SHISA9: variants seen among roughly 807,000 people sequenced by gnomAD.
The protein encoded by SHISA9 is shisa family member 9.
Under a neutral mutation model 38.0 loss-of-function variants are expected in SHISA9, and 13 were observed. The ratio of observed to expected loss-of-function variants is 0.34; its 90% CI spans 0.22 to 0.54. SHISA9 has a LOEUF of 0.54. Among genes scored for constraint, SHISA9 ranks in the 20% least tolerant of loss-of-function variants. The pLI is 0.91. For missense variants in SHISA9, 538 were observed against 575.8 expected, an observed-to-expected ratio of 0.93 and a Z score of 0.67; for synonymous variants, 275 against 242.0, an observed-to-expected ratio of 1.14 and a Z score of -1.27.
Position 13,019,864 on chromosome 16 carries a change from C to T in SHISA9, c.691+103049C>T, listed in dbSNP as rs1401495312. 9.5e-4 allele frequency among the ~76,000 whole-genome samples: 30 copies of T among 31,422 alleles called. 1 individual carries two copies. Among genetic ancestry groups the T allele is most frequent in the African/African-American group, 4.4e-3 (29 of 6,638 alleles). 20.6% of individuals were successfully genotyped at this position (31,422 alleles called of 152,430 possible). A position where few individuals can be genotyped will look rare whatever the true frequency, so the allele number is the denominator to read the frequency against. On this transcript the variant is annotated intron_variant, in intron 2 of 4. Transcript: ENST00000558583. ...CTTCCTTCCCTCCCTCCCTCCCTCCCTCCCTCCCTCCCTCCCTCCCTTCTT... is the reference window on the plus strand; with the variant it reads ...CTTCCTTCCCTCCCTCCCTCCCTCCTTCCCTCCCTCCCTCCCTCCCTTCTT...
intron 1 of SHISA9, among the ~76,000 whole-genome samples, chr16:12,906,222 G>T (rs2071091449): frequency 6.6e-6 from 1 of 152,218 alleles, no homozygotes; most frequent in South Asian, 2.1e-4. Flanking sequence ...GGAGCTGCAA[G>T]GGACCCTGAA....
At chr16:13,271,229 CA>C in the SHISA9 span, among the ~76,000 whole-genome samples, 3 of 152,200 alleles carry the variant, frequency 2.0e-5, no homozygotes, top group Non-Finnish European at 4.4e-5. Context: ...GGAACTGTAA[CA>C]TCAGTGTAGA....
At chr16:13,345,350 T>C in the SHISA9 span, among the ~76,000 whole-genome samples, 1 of 152,128 alleles carries the variant, frequency 6.6e-6, no homozygotes, top group Non-Finnish European at 1.5e-5. Flanking sequence ...AGTGAGAACA[T>C]GTGGTATTTG....
At chr16:13,197,293 G>A (rs780081368) in intron 2 of SHISA9, among the ~76,000 whole-genome samples, 16 of 152,218 alleles carry the variant, frequency 1.1e-4, no homozygotes, top group Non-Finnish European at 1.9e-4. Context: ...GATATGCTTT[G>A]AAGGAGTCAT....
chr16:12,919,449 A>G (rs2071300308), intron 2 of SHISA9, among the ~76,000 whole-genome samples: 1 of 152,192 alleles, frequency 6.6e-6, no homozygotes, highest in Non-Finnish European at 1.5e-5. Context: ...GTTAAATGTC[A>G]TTTTCATGTC....
intron 2 of SHISA9, among the ~76,000 whole-genome samples, chr16:13,000,983 G>A (rs1253105191): frequency 6.6e-6 from 1 of 152,042 alleles, no homozygotes; most frequent in Admixed American, 6.6e-5. Context: ...AGGTTGGAGG[G>A]CAGTGTTGCA....
chr16:13,427,142 A>T, the SHISA9 span, among the ~76,000 whole-genome samples: 1 of 152,220 alleles, frequency 6.6e-6, no homozygotes, highest in African/African-American at 2.4e-5. Flanking sequence ...AGCTCTGGAG[A>T]GCATATGACT....
At chr16:13,064,403 G>A (rs202369) in intron 2 of SHISA9, among the ~76,000 whole-genome samples, 27,098 of 152,072 alleles carry the variant, frequency 0.18, 4,284 homozygotes, top group African/African-American at 0.42. Flanking sequence ...GAGATCAGGC[G>A]CGTTCAGGGT....
At chr16:13,063,866 C>T (rs1376309435) in intron 2 of SHISA9, among the ~76,000 whole-genome samples, 4 of 152,210 alleles carry the variant, frequency 2.6e-5, no homozygotes, top group South Asian at 2.1e-4. Context: ...CCACTCTTTG[C>T]GTAGCCCTAA....
the SHISA9 span, among the ~76,000 whole-genome samples, chr16:13,448,918 C>T: frequency 5.9e-5 from 9 of 152,060 alleles, no homozygotes; most frequent in Non-Finnish European, 1.2e-4. Context: ...GGGTTTCAAG[C>T]ATTTGAAGAA....
the SHISA9 span, among the ~76,000 whole-genome samples, chr16:13,313,316 T>G: frequency 6.6e-6 from 1 of 151,370 alleles, no homozygotes; most frequent in Non-Finnish European, 1.5e-5. Context: ...ATATGTTATT[T>G]ATAGTATAAT....
At chr16:13,323,990 G>A in the SHISA9 span, among the ~76,000 whole-genome samples, 1 of 152,168 alleles carries the variant, frequency 6.6e-6, no homozygotes, top group Non-Finnish European at 1.5e-5. Flanking sequence ...GTGGTCATGA[G>A]TTCTCACTCT....
intron 2 of SHISA9, among the ~76,000 whole-genome samples, chr16:13,189,201 C>A (rs1318009354): frequency 6.6e-6 from 1 of 152,132 alleles, no homozygotes; most frequent in Admixed American, 6.5e-5. Flanking sequence ...ATTACCTTAG[C>A]AGATGAATAC....
At chr16:13,442,390 C>A in the SHISA9 span, among the ~76,000 whole-genome samples, 1 of 151,978 alleles carries the variant, frequency 6.6e-6, no homozygotes, top group Non-Finnish European at 1.5e-5. Flanking sequence ...CTCACTGCAA[C>A]CTCCACCTCC....
chr16:13,045,574 A>G (rs561363092), intron 2 of SHISA9, among the ~76,000 whole-genome samples: 2 of 148,950 alleles, frequency 1.3e-5, no homozygotes, highest in South Asian at 2.2e-4. Flanking sequence ...TAAATCTCCC[A>G]CAGAGCTTTG....
chr16:12,907,436 G>A (rs1182297237), intron 1 of SHISA9, among the ~76,000 whole-genome samples: 1 of 147,454 alleles, frequency 6.8e-6, no homozygotes, highest in African/African-American at 2.5e-5. Context: ...GCTGAAACAT[G>A]TGAAAATAAG....
intron 2 of SHISA9, among the ~76,000 whole-genome samples, chr16:12,997,312 T>A (rs1423494549): frequency 3.3e-5 from 5 of 152,064 alleles, no homozygotes; most frequent in Non-Finnish European, 7.4e-5. Flanking sequence ...GGTAATTCAT[T>A]CCTTTTATTG....
At chr16:13,488,907 G>A in the SHISA9 span, among the ~76,000 whole-genome samples, 3 of 152,004 alleles carry the variant, frequency 2.0e-5, no homozygotes, top group Non-Finnish European at 4.4e-5. Context: ...GACTACAGGC[G>A]CCTGCCACCG....
chr16:13,023,990 G>A (rs1165288346), intron 2 of SHISA9, among the ~76,000 whole-genome samples: 2 of 152,246 alleles, frequency 1.3e-5, no homozygotes, highest in African/African-American at 4.8e-5. Context: ...TCTGGGAACA[G>A]AGAGGCTGAG....
Sources: allele counts gnomAD v4.1 joint callset (sites outside exome capture counted in the v4.1 genomes callset), GRCh38; gene constraint gnomAD v4.1.1; transcripts MANE v1.5; gene names NCBI Gene and HGNC (gene_info 2026-07-23, HGNC 2026-07-21).